The following CTNNA2 variants were observed in gnomAD, a reference collection of about 807,000 sequenced individuals.
CTNNA2 encodes the protein catenin alpha 2.
Under a neutral mutation model 101.0 loss-of-function variants are expected in CTNNA2, and 42 were observed. The observed-to-expected ratio is 0.42, with a 90% CI of 0.32 to 0.54. CTNNA2 has a LOEUF of 0.54. Ranked by LOEUF, CTNNA2 falls within the 20% of genes least tolerant of loss-of-function variation. CTNNA2 has a pLI of 0.14. For synonymous variants in CTNNA2, 450 were observed against 456.4 expected (o/e 0.99, Z 0.18); for missense variants, 871 against 1,223.1 (o/e 0.71, Z 4.29).
At chr2:79,502,689 A>T (rs759830225) in intron 4 of CTNNA2, among the ~76,000 whole-genome samples, 1 of 152,146 alleles carries the variant, frequency 6.6e-6, no homozygotes, top group Admixed American at 6.5e-5. Context: ...ATTAAAGGAG[A>T]TGAGTTTTGT....
intron 4 of CTNNA2, among the ~76,000 whole-genome samples, chr2:79,863,128 G>C (rs7587305): frequency 0.22 from 32,936 of 151,946 alleles, 3,976 homozygotes; most frequent in East Asian, 0.55. Context: ...TCTCTTTCCT[G>C]GTAGCTCAAA....
chr2:80,467,757 A>G (rs1464664843), intron 9 of CTNNA2, among the ~76,000 whole-genome samples: 3 of 152,138 alleles, frequency 2.0e-5, no homozygotes, highest in Non-Finnish European at 4.4e-5. Flanking sequence ...ATGAGGATGG[A>G]GTTCTTATGA....
chr2:80,186,662 G>A (rs548040996), intron 7 of CTNNA2, among the ~76,000 whole-genome samples: 21 of 152,258 alleles, frequency 1.4e-4, no homozygotes, highest in African/African-American at 4.6e-4. Flanking sequence ...CAGTGGGGAG[G>A]CCTGGAGAGA....
intron 7 of CTNNA2, among the ~76,000 whole-genome samples, chr2:80,027,221 T>A (rs1410708138): frequency 6.6e-6 from 1 of 152,136 alleles, no homozygotes. Flanking sequence ...GGTATGGGAA[T>A]GGCATGGGGA....
intron 6 of CTNNA2, among the ~76,000 whole-genome samples, chr2:79,882,166 G>A (rs773616646): frequency 6.6e-6 from 1 of 152,138 alleles, no homozygotes; most frequent in African/African-American, 2.4e-5. Flanking sequence ...AGTTTCTGCT[G>A]AGGAGTCTGC....
intron 4 of CTNNA2, among the ~76,000 whole-genome samples, chr2:79,504,580 G>A (rs1184581587): frequency 2.6e-5 from 4 of 152,038 alleles, no homozygotes; most frequent in Non-Finnish European, 2.9e-5. Flanking sequence ...GTGAGCCACC[G>A]CACCCGACCT....
chr2:80,113,357 G>A (rs1701329603), intron 7 of CTNNA2, among the ~76,000 whole-genome samples: 1 of 152,136 alleles, frequency 6.6e-6, no homozygotes, highest in Non-Finnish European at 1.5e-5. Context: ...TGAGGACAGA[G>A]CAGTACAGGC....
chr2:79,514,711 G>C (rs750126547), intron 1 of CTNNA2: 1 of 152,090 alleles, frequency 6.6e-6, no homozygotes, highest in African/African-American at 2.4e-5. Context: ...AATCAAAAAT[G>C]GATATTTTGA....
upstream of CTNNA2, among the ~76,000 whole-genome samples, chr2:79,509,004 TATATATATAA>T (rs1351529925): frequency 8.0e-4 from 36 of 45,112 alleles, 3 homozygotes; most frequent in Admixed American, 1.6e-3. Flanking sequence ...TATATATATA[TATATATATAA>T]ACAATTACCT....
chr2:80,356,853 G>C (rs1056941532), intron 7 of CTNNA2, among the ~76,000 whole-genome samples: 25 of 152,178 alleles, frequency 1.6e-4, no homozygotes, highest in African/African-American at 6.0e-4. Context: ...CCAGGTACTT[G>C]TGTATGGCTG....
rs79959549 is a variant in CTNNA2 at position 80,097,990 on chromosome 2, C to G, written c.1056+188193C>G. Among the ~76,000 whole-genome samples the G allele has an allele frequency of 6.3e-3, 962 of 152,278 alleles. 10 individuals are homozygous for G. The highest frequency in any genetic ancestry group is 0.022 in the African/African-American group (905 of 41,548). ...CTCGGAGTAGTTCGATCTTCTGAAA[C>G]CTTCTTCTCTCAACCTGTCAAAGTT... is the stretch of plus-strand genomic sequence containing the variant. On this transcript the variant is annotated intron_variant, in intron 7 of 18. Coordinates refer to ENST00000402739, the MANE Select transcript of CTNNA2 (RefSeq NM_001282597.3).
chr2:80,211,432 T>A (rs571350273), intron 7 of CTNNA2, among the ~76,000 whole-genome samples: 27 of 152,344 alleles, frequency 1.8e-4, no homozygotes, highest in African/African-American at 6.5e-4. Flanking sequence ...GCTTTCTACA[T>A]GTGGCTAGCC....
intron 4 of CTNNA2, among the ~76,000 whole-genome samples, chr2:79,496,672 C>A (rs1671259664): frequency 6.6e-6 from 1 of 151,380 alleles, no homozygotes; most frequent in African/African-American, 2.4e-5. Flanking sequence ...TATTTTCTCT[C>A]TTTTTTTGTC....
At chr2:79,306,146 C>T (rs1423893784) in intron 2 of CTNNA2, among the ~76,000 whole-genome samples, 1 of 151,454 alleles carries the variant, frequency 6.6e-6, no homozygotes, top group African/African-American at 2.4e-5. Flanking sequence ...GGAAGATAAT[C>T]ACCTTTTTAT....
At chr2:80,631,141 C>G (rs1672243769) in intron 18 of CTNNA2, among the ~76,000 whole-genome samples, 1 of 152,078 alleles carries the variant, frequency 6.6e-6, no homozygotes, top group African/African-American at 2.4e-5. Context: ...CACAGGGACT[C>G]TAAGATAGCA....
chr2:80,607,253 C>T (rs981110815), intron 16 of CTNNA2, among the ~76,000 whole-genome samples: 5 of 151,756 alleles, frequency 3.3e-5, no homozygotes, highest in Non-Finnish European at 7.4e-5. Context: ...GATTTTATGT[C>T]CTTTACAAGT....
chr2:79,739,071 G>GT (rs76673709), intron 2 of CTNNA2, among the ~76,000 whole-genome samples: 6,435 of 133,442 alleles, frequency 0.048, 238 homozygotes, highest in African/African-American at 0.11. Context: ...GGACTTTGCT[G>GT]TTTTTTTTTT....
At chr2:80,335,119 T>A (rs762464310) in intron 7 of CTNNA2, among the ~76,000 whole-genome samples, 1 of 152,302 alleles carries the variant, frequency 6.6e-6, no homozygotes, top group East Asian at 1.9e-4. Flanking sequence ...ACAGTTTCAG[T>A]ATGAGGTTAG....
At position 79,809,076 on chromosome 2, in the gene CTNNA2, G is replaced by A. The variant is rs752917839; in HGVS notation, c.299-48937G>A. ...GTTCCTGTGTTAGTTTGATGAGAATGATGGTGTCCAGCTTCATCCATGTCC... is the reference window on the plus strand; with the variant it reads ...GTTCCTGTGTTAGTTTGATGAGAATAATGGTGTCCAGCTTCATCCATGTCC... On this transcript the variant is annotated intron_variant, in intron 3 of 18. Transcript: ENST00000402739. 2.6e-5 allele frequency among the ~76,000 whole-genome samples: 4 copies of A among 152,262 alleles called. No homozygotes were observed. The South Asian group carries it at 8.3e-4, about 32-fold the overall frequency.
Sources: gnomAD v4.1 joint callset for allele counts (sites outside exome capture counted in the v4.1 genomes callset) on GRCh38, gnomAD v4.1.1 for gene constraint, MANE v1.5 for transcripts, NCBI Gene and HGNC (gene_info 2026-07-23, HGNC 2026-07-21) for gene names.